The following MGAT4C variants were observed in gnomAD, a reference collection of about 807,000 sequenced individuals.
MGAT4C encodes alpha-1,3-mannosyl-glycoprotein 4-beta-N-acetylglucosaminyltransferase C.
In MGAT4C, 19 loss-of-function variants were observed where a neutral mutation model predicts 40.1. That is an observed-to-expected ratio of 0.47 (90% CI 0.33 to 0.70). The LOEUF (loss-of-function observed/expected upper bound fraction) is 0.70. Ranked by LOEUF, MGAT4C falls within the 30% of genes least tolerant of loss-of-function variation. The pLI is 0.02. For synonymous variants in MGAT4C, 181 were observed against 187.1 expected (o/e 0.97, Z 0.27); for missense variants, 491 against 563.2 (o/e 0.87, Z 1.30).
intron 2 of MGAT4C, among the ~76,000 whole-genome samples, chr12:86,494,866 T>C (rs915876186): frequency 6.6e-6 from 1 of 152,050 alleles, no homozygotes; most frequent in Non-Finnish European, 1.5e-5. Context: ...TTCTGATAAC[T>C]AGGGAAATTT....
intron 1 of MGAT4C, among the ~76,000 whole-genome samples, chr12:86,209,231 A>G (rs1194525911): frequency 6.6e-6 from 1 of 152,088 alleles, no homozygotes; most frequent in East Asian, 1.9e-4. Context: ...CTGAAGGTAG[A>G]TAGCACTTAA....
chr12:86,609,020 G>A (rs1023891308), intron 2 of MGAT4C, among the ~76,000 whole-genome samples: 3 of 152,040 alleles, frequency 2.0e-5, no homozygotes, highest in African/African-American at 7.2e-5. Flanking sequence ...GTAAAACTAA[G>A]ATATTTTGAC....
At chr12:86,219,553 G>A (rs1291032981) in intron 1 of MGAT4C, among the ~76,000 whole-genome samples, 2 of 152,144 alleles carry the variant, frequency 1.3e-5, no homozygotes, top group Non-Finnish European at 2.9e-5. Flanking sequence ...TCTCTTGCAG[G>A]AAGGCCAATA....
At position 86,249,973 on chromosome 12, in the gene MGAT4C, T is replaced by C. The variant is rs551967144; in HGVS notation, c.-57+6266A>G. On this transcript the variant is annotated intron_variant, in intron 1 of 4. Transcript: ENST00000611864. Reference sequence around the variant, plus strand: ...GATTGTAATTATTTATTTCCAACTTTGTGTTGGTCACTAGACCATGAACCC... The same window carrying C: ...GATTGTAATTATTTATTTCCAACTTCGTGTTGGTCACTAGACCATGAACCC... Among the ~76,000 whole-genome samples the C allele has an allele frequency of 5.9e-4, 90 of 152,270 alleles. 1 individual carries two copies. In the South Asian group the frequency reaches 0.011, roughly 19 times the overall value.
intron 3 of MGAT4C, among the ~76,000 whole-genome samples, chr12:86,434,845 T>C (rs1342301749): frequency 1.3e-5 from 2 of 151,820 alleles, no homozygotes; most frequent in East Asian, 1.9e-4. Context: ...ATACCAATCT[T>C]TCTTCCCTTT....
At chr12:85,989,237 T>G (rs1477241515) in intron 3 of MGAT4C, among the ~76,000 whole-genome samples, 163 bp downstream of exon 3, 2 of 151,998 alleles carry the variant, frequency 1.3e-5, no homozygotes, top group African/African-American at 2.4e-5. Flanking sequence ...AGTGTAATGT[T>G]GATGTATGGT....
In MGAT4C at chr12:86,033,711, G is replaced by T. The variant is rs1301676962; in HGVS notation, c.-7+15963C>A. ...TATTCTCTGCAAAAACGGATCGTTTGACTTCCTCTCTTTCAATTACTATGC... is the reference window on the plus strand; with the variant it reads ...TATTCTCTGCAAAAACGGATCGTTTTACTTCCTCTCTTTCAATTACTATGC... On this transcript the variant is annotated intron_variant, in intron 2 of 4. Coordinates refer to ENST00000611864, the MANE Select transcript of MGAT4C (RefSeq NM_001351288.2). Among the ~76,000 whole-genome samples, 6 of 149,374 alleles carry T rather than the reference G, an allele frequency of 4.0e-5. 1 individual carries two copies. Among genetic ancestry groups the T allele is most frequent in the Non-Finnish European group, 9.0e-5 (6 of 66,576 alleles).
At chr12:86,411,260 TAAG>T (rs1255249180) in intron 3 of MGAT4C, among the ~76,000 whole-genome samples, 4 of 152,168 alleles carry the variant, frequency 2.6e-5, no homozygotes, top group Non-Finnish European at 4.4e-5. Context: ...TTTGGAGGAC[TAAG>T]AAGAAGACAA....
At chr12:86,386,082 C>A (rs1956045020) in intron 3 of MGAT4C, among the ~76,000 whole-genome samples, 1 of 152,142 alleles carries the variant, frequency 6.6e-6, no homozygotes, top group Admixed American at 6.5e-5. Context: ...AGGTGCCCAC[C>A]ACCACGTCTG....
At chr12:86,798,389 A>C (rs1952168412) in intron 1 of MGAT4C, among the ~76,000 whole-genome samples, 1 of 151,938 alleles carries the variant, frequency 6.6e-6, no homozygotes, top group Admixed American at 6.6e-5. Context: ...GTTCTAGATT[A>C]ATATCTGGAC....
intron 3 of MGAT4C, among the ~76,000 whole-genome samples, chr12:86,339,779 C>T (rs896312832): frequency 6.6e-6 from 1 of 151,974 alleles, no homozygotes; most frequent in Admixed American, 6.6e-5. Flanking sequence ...ATTTTAGTAT[C>T]CAAGACACTC....
chr12:86,331,927 C>T (rs148385339), intron 4 of MGAT4C, among the ~76,000 whole-genome samples: 1,652 of 152,216 alleles, frequency 0.011, 14 homozygotes, highest in Non-Finnish European at 0.014. Flanking sequence ...AGGTTCCCTA[C>T]AGTAATGCCC....
chr12:86,116,062 A>C (rs1164823855), intron 1 of MGAT4C, among the ~76,000 whole-genome samples: 6 of 152,032 alleles, frequency 3.9e-5, no homozygotes, highest in Non-Finnish European at 7.4e-5. Flanking sequence ...AACATCCCCG[A>C]GAAATGAATA....
intron 4 of MGAT4C, among the ~76,000 whole-genome samples, chr12:86,303,697 A>G (rs1953868714): frequency 1.3e-5 from 2 of 150,552 alleles, no homozygotes; most frequent in Admixed American, 1.3e-4. Context: ...CTATTATATT[A>G]TTACCTTCTG....
chr12:86,301,495 G>C (rs756038039), intron 4 of MGAT4C, among the ~76,000 whole-genome samples: 1 of 152,164 alleles, frequency 6.6e-6, no homozygotes, highest in Non-Finnish European at 1.5e-5. Context: ...TGAATGATAT[G>C]CTCCTTGGTA....
chr12:86,056,058 TA>T (rs1305068854), intron 1 of MGAT4C, among the ~76,000 whole-genome samples: 1 of 151,956 alleles, frequency 6.6e-6, no homozygotes, highest in Non-Finnish European at 1.5e-5. Flanking sequence ...TTCAACAAGT[TA>T]AAAAAAATTA....
At chr12:86,767,150 C>A (rs547200911) in intron 1 of MGAT4C, among the ~76,000 whole-genome samples, 1 of 152,070 alleles carries the variant, frequency 6.6e-6, no homozygotes, top group East Asian at 1.9e-4. Context: ...AAAGAAGAAT[C>A]AAATAGACAC....
intron 4 of MGAT4C, among the ~76,000 whole-genome samples, chr12:86,303,288 A>G (rs1592671835): frequency 6.6e-6 from 1 of 150,560 alleles, no homozygotes; most frequent in Non-Finnish European, 1.5e-5. Flanking sequence ...GAGCTCTGAA[A>G]CCATGCCAGC....
In MGAT4C at chr12:86,679,040, C is replaced by A. The variant is rs1034092773; in HGVS notation, c.-229+48169G>T. ...ACAATGGTTGAACTAGTTTACAGTC[C>A]CACCAACAGTGTAAAAGTGTTCCTA... On this transcript the variant is annotated intron_variant, in intron 2 of 7. Transcript: ENST00000548651. 2.6e-4 allele frequency among the ~76,000 whole-genome samples: 39 copies of A among 152,128 alleles called. 3 individuals are homozygous for A. In the East Asian group the frequency reaches 2.9e-3, roughly 11 times the overall value.
Sources: allele counts gnomAD v4.1 joint callset (sites outside exome capture counted in the v4.1 genomes callset), GRCh38; gene constraint gnomAD v4.1.1; transcripts MANE v1.5; gene names NCBI Gene and HGNC (gene_info 2026-07-23, HGNC 2026-07-21).